CDC25A: variants seen among roughly 807,000 people sequenced by gnomAD.
The protein encoded by CDC25A is M-phase inducer phosphatase 1.
In CDC25A, 17 loss-of-function variants were observed where a neutral mutation model predicts 64.6. The observed-to-expected ratio is 0.26, with a 90% CI of 0.18 to 0.39. The LOEUF (loss-of-function observed/expected upper bound fraction) is 0.39. CDC25A is among the 10% of genes least tolerant of loss of function. CDC25A has a pLI of 1.00. For missense variants in CDC25A, 473 were observed against 654.8 expected (o/e 0.72, Z 3.03); for synonymous variants, 229 against 238.6 (o/e 0.96, Z 0.37).
At chr3:48,181,167 T>C (rs1303652904) in intron 5 of CDC25A, among the ~76,000 whole-genome samples, 1 of 152,190 alleles carries the variant, frequency 6.6e-6, no homozygotes, top group East Asian at 1.9e-4. Flanking sequence ...CTGTGAATAG[T>C]TGTCAAAATT....
intron 8 of CDC25A, 140 bp from the exon 9 acceptor site, chr3:48,174,597 T>A: frequency 1.4e-6 from 1 of 733,080 alleles, no homozygotes; most frequent in Non-Finnish European, 2.2e-6. Context: ...ATTCATCTAG[T>A]CCTAGCAACT....
intron 13 of CDC25A, among the ~76,000 whole-genome samples, chr3:48,162,691 C>CA (rs11402407): frequency 0.021 from 3,142 of 151,714 alleles, 97 homozygotes; most frequent in African/African-American, 0.069. Flanking sequence ...ACTAAAAATA[C>CA]AAAAAAATTA....
intron 13 of CDC25A, 77 bp downstream of exon 13, chr3:48,164,230 G>A (rs564090174): frequency 1.5e-6 from 2 of 1,365,788 alleles, no homozygotes; most frequent in African/African-American, 1.5e-5. Context: ...TGCTCCAAGT[G>A]CAAGCCACAA....
chr3:48,163,710 C>G (rs902822028), intron 13 of CDC25A, among the ~76,000 whole-genome samples: 1 of 152,124 alleles, frequency 6.6e-6, no homozygotes, highest in South Asian at 2.1e-4. Flanking sequence ...CTCCCTTGGA[C>G]CATCCTAGTT....
In CDC25A at chr3:48,171,023, A is replaced by G. The variant is rs111512286; in HGVS notation, c.931-3079T>C. On this transcript the variant is annotated intron_variant, in intron 9 of 14. Transcript: ENST00000302506. ...TTATTAACAGTATTATTTTATCCAAAAAAAGTTTTACAAATATGGAAATAA... is the reference window on the plus strand; with the variant it reads ...TTATTAACAGTATTATTTTATCCAAGAAAAGTTTTACAAATATGGAAATAA... Among the ~76,000 whole-genome samples, 315 of 152,298 alleles carry G rather than the reference A, an allele frequency of 2.1e-3. 3 individuals carry two copies. Among genetic ancestry groups the G allele is most frequent in the African/African-American group, 6.8e-3 (281 of 41,564 alleles).
At chr3:48,179,227 C>T (rs1028545434) in intron 6 of CDC25A, among the ~76,000 whole-genome samples, 2 of 152,282 alleles carry the variant, frequency 1.3e-5, no homozygotes, top group Admixed American at 6.5e-5. Flanking sequence ...ACCTTTATCA[C>T]GAAAGCTCAC....
chr3:48,177,567 C>T, intron 7 of CDC25A, 125 bp from the exon 8 acceptor site: 2 of 732,022 alleles, frequency 2.7e-6, no homozygotes, highest in Non-Finnish European at 2.3e-6. Flanking sequence ...CCTTAATGTA[C>T]CATCCTATAC....
chr3:48,165,916 T>TA lies in CDC25A; in HGVS notation c.1030-24dup, dbSNP rs751824443. ...ACCCTTAAAAAGAAAAAAAGATACT[T>TA]AGAGAATCTGAAAGCCTATATATTA... On this transcript the variant is annotated intron_variant, in intron 10 of 14. Coordinates refer to ENST00000302506, the MANE Select transcript of CDC25A (RefSeq NM_001789.3). The TA allele has an allele frequency of 1.1e-5, 16 of 1,439,438 alleles. No homozygotes were observed. In the African/African-American group the frequency reaches 1.7e-4, roughly 15 times the overall value. 89.2% of individuals were successfully genotyped at this position (1,439,438 alleles called of 1,614,324 possible). A position where few individuals can be genotyped will look rare whatever the true frequency, so the allele number is the denominator to read the frequency against.
intron 9 of CDC25A, among the ~76,000 whole-genome samples, chr3:48,169,555 C>T (rs1409097473): frequency 6.6e-6 from 1 of 152,226 alleles, no homozygotes; most frequent in Non-Finnish European, 1.5e-5. Flanking sequence ...AAGAGGGAAA[C>T]AGATGGAGCA....
intron 1 of CDC25A, among the ~76,000 whole-genome samples, chr3:48,187,200 G>A (rs2032873314): frequency 6.6e-6 from 1 of 152,146 alleles, no homozygotes; most frequent in Non-Finnish European, 1.5e-5. Context: ...GAAACACCGT[G>A]GGATGCATTT....
chr3:48,186,367 G>A (rs539459644), intron 2 of CDC25A, among the ~76,000 whole-genome samples: 16 of 152,212 alleles, frequency 1.1e-4, no homozygotes, highest in South Asian at 1.0e-3. Context: ...TTGTGAATTC[G>A]AGACCAGGCT....
rs895963015 is a variant in CDC25A, at chr3:48,157,730, A to G, written c.*1215T>C. ...TAAAATTAAAACATGATAAACCCAG[A>G]AAGTTTTACCTTCAAAATCCACCAA... On this transcript the variant is annotated 3_prime_UTR_variant, in exon 15 of 15. Coordinates refer to ENST00000302506, the MANE Select transcript of CDC25A (RefSeq NM_001789.3). 3 of 152,600 alleles carry G rather than the reference A, an allele frequency of 2.0e-5. No individual in the cohort carries two copies. Among genetic ancestry groups the G allele is most frequent in the Non-Finnish European group, 4.4e-5 (3 of 68,038 alleles). 9.5% of individuals were successfully genotyped at this position (152,600 alleles called of 1,614,324 possible). A position where few individuals can be genotyped will look rare whatever the true frequency, so the allele number is the denominator to read the frequency against.
chr3:48,186,427 G>A (rs892627235), intron 2 of CDC25A, among the ~76,000 whole-genome samples: 4 of 152,134 alleles, frequency 2.6e-5, no homozygotes, highest in Admixed American at 2.6e-4. Flanking sequence ...AAATTAGCCG[G>A]GTGTGGTGGT....
chr3:48,165,887 G>C lies in CDC25A; in HGVS notation c.1036C>G (p.Leu346Val). ...DLIGDFSKGY[L>V]FHTVAGKHQD... is the part of the protein sequence containing the mutation. Reference sequence around the variant, plus strand: ...TGTTTCCCAGCAACTGTATGAAAGAGATAACCCTTAAAAAGAAAAAAAGAT... The same window carrying C: ...TGTTTCCCAGCAACTGTATGAAAGACATAACCCTTAAAAAGAAAAAAAGAT... The change falls in exon 11 of 15, where the codon CTC becomes GTC. Residue 346 changes from leucine to valine, a missense_variant. Around this residue, in one of 2 missense-constraint regions of CDC25A, gnomAD observed 376 missense variants for 431.9 expected, o/e 0.87. Transcript: ENST00000302506. 6.3e-7 allele frequency: 1 copy of C among 1,589,090 alleles called. No individual in the cohort carries two copies.
chr3:48,166,970 GTT>G (rs1343498926), intron 10 of CDC25A, among the ~76,000 whole-genome samples: 18 of 152,292 alleles, frequency 1.2e-4, no homozygotes, highest in Non-Finnish European at 5.9e-5. Flanking sequence ...ATCTTTGCTT[GTT>G]CTCTTCATTC....
At chr3:48,174,222 A>C (rs1575267040) in intron 9 of CDC25A, 62 bp downstream of exon 9, 1 of 1,455,132 alleles carries the variant, frequency 6.9e-7, no homozygotes, top group Non-Finnish European at 9.3e-7. Flanking sequence ...ACTAAGTAGA[A>C]ATTTTTAGAA....
At chr3:48,176,530 A>G (rs1017361312) in intron 8 of CDC25A, among the ~76,000 whole-genome samples, 2 of 35,278 alleles carry the variant, frequency 5.7e-5, no homozygotes, top group Non-Finnish European at 1.3e-4. Flanking sequence ...TGTGTGTGTG[A>G]GTATATATAT....
rs1559960901 is a variant in CDC25A, at chr3:48,174,404, C to T, written c.810G>A (p.Arg270=). The part of the protein sequence containing the change: ...DSPSLCSSST[R]SVLKRPERSQ... ...ATCGTTCTGGTCTCTTCAACACTGA[C>T]CGAGTGCTGGAGCTACACAGGGAAG... Residue 270 remains arginine (R), a synonymous_variant, in exon 9 of 15, where the codon CGG becomes CGA. Coordinates refer to ENST00000302506, the MANE Select transcript of CDC25A (RefSeq NM_001789.3). 6.2e-7 allele frequency: 1 copy of T among 1,613,966 alleles called. No homozygotes were observed. Among genetic ancestry groups the T allele is most frequent in the Non-Finnish European group, 8.5e-7 (1 of 1,179,964 alleles).
Position 48,178,024 on chromosome 3 carries a change from T to C in CDC25A, c.550-36A>G, listed in dbSNP as rs756027300. The stretch of plus-strand genomic sequence containing the variant: ...AAATTCATGGATTAATAATGAGAGC[T>C]CTGATCCACTTTCATTTCCTTGAAT... On this transcript the variant is annotated intron_variant, in intron 6 of 14. Transcript: ENST00000302506. 3 of 1,570,278 alleles carry C rather than the reference T, an allele frequency of 1.9e-6. No homozygotes were observed. The South Asian group carries it at 3.5e-5, about 18-fold the overall frequency.
Sources: gnomAD v4.1 joint callset for allele counts (sites outside exome capture counted in the v4.1 genomes callset) on GRCh38, gnomAD v4.1.1 for gene constraint, gnomAD v4.1.1 regional missense constraint, MANE v1.5 for transcripts, NCBI Gene and HGNC (gene_info 2026-07-23, HGNC 2026-07-21) for gene names.